The following ZNF804A variants were observed in gnomAD, a reference collection of about 807,000 sequenced individuals.
ZNF804A encodes the protein zinc finger protein 804A.
ZNF804A carries 2 observed loss-of-function variants against 16.5 expected under a neutral mutation model. That is an observed-to-expected ratio of 0.12 (90% CI 0.05 to 0.38). The LOEUF is 0.38. Ranked by LOEUF, ZNF804A falls within the 10% of genes least tolerant of loss-of-function variation. The probability of loss-of-function intolerance (pLI) is 0.99; values close to 1 mark genes in which losing one functional copy is unlikely to be tolerated. For synonymous variants in ZNF804A, 534 were observed against 489.6 expected, an observed-to-expected ratio of 1.09 and a Z score of -1.20; for missense variants, 1,473 against 1,390.7, an observed-to-expected ratio of 1.06 and a Z score of -0.94.
chr2:184,598,975 A>G lies in ZNF804A; in HGVS notation c.16A>G (p.Ile6Val), dbSNP rs1408646250. 25 of 1,613,248 alleles carry G rather than the reference A, an allele frequency of 1.5e-5. No homozygotes were observed. Among genetic ancestry groups the G allele is most frequent in the Non-Finnish European group, 2.1e-5 (25 of 1,179,486 alleles). MECYYIVISSTHLSNG... is the reference protein window; with the variant it reads MECYYVVISSTHLSNG... ...CGGCTGCCCCATGGAGTGTTACTACATTGTCATCAGCTCCACGCATCTCAG... is the reference window on the plus strand; with the variant it reads ...CGGCTGCCCCATGGAGTGTTACTACGTTGTCATCAGCTCCACGCATCTCAG... The change falls in exon 1 of 4, where the codon ATT becomes GTT. Residue 6 changes from isoleucine to valine, a missense_variant. By Grantham distance (29) the Ile-to-Val change is conservative. Transcript: ENST00000302277.
chr2:184,862,910 G>C (rs1375682342), intron 1 of ZNF804A, among the ~76,000 whole-genome samples: 1 of 152,016 alleles, frequency 6.6e-6, no homozygotes, highest in Non-Finnish European at 1.5e-5. Flanking sequence ...TTTCTCTACT[G>C]TTTTTGTTTC....
chr2:184,805,986 G>A (rs2105784640), intron 1 of ZNF804A, among the ~76,000 whole-genome samples: 1 of 151,904 alleles, frequency 6.6e-6, no homozygotes, highest in South Asian at 2.1e-4. Context: ...AGCTGAACTA[G>A]GACTTTGAAA....
chr2:184,860,864 G>T (rs908813411), intron 1 of ZNF804A, among the ~76,000 whole-genome samples: 15 of 152,242 alleles, frequency 9.9e-5, no homozygotes, highest in Admixed American at 3.3e-4. Context: ...GCCAAGCTCA[G>T]TGCTGGCGCA....
chr2:184,909,914 A>C (rs1249374171), intron 2 of ZNF804A, among the ~76,000 whole-genome samples: 3 of 152,102 alleles, frequency 2.0e-5, no homozygotes, highest in Admixed American at 1.3e-4. Context: ...TTTTAAACAA[A>C]AGAGGAATAA....
chr2:184,656,653 T>C (rs1230143644), intron 1 of ZNF804A, among the ~76,000 whole-genome samples: 1 of 152,048 alleles, frequency 6.6e-6, no homozygotes, highest in Non-Finnish European at 1.5e-5. Context: ...TTTTTCTTTA[T>C]CTTTTCTTTA....
At chr2:184,932,358 C>T (rs1268378520) in intron 2 of ZNF804A, among the ~76,000 whole-genome samples, 2 of 152,050 alleles carry the variant, frequency 1.3e-5, no homozygotes, top group Non-Finnish European at 2.9e-5. Context: ...TTGCACATGG[C>T]TAGAAAGGCC....
intron 2 of ZNF804A, among the ~76,000 whole-genome samples, chr2:184,884,095 C>T (rs903692576): frequency 1.3e-5 from 2 of 152,076 alleles, no homozygotes; most frequent in African/African-American, 4.8e-5. Flanking sequence ...ATCTGATAAA[C>T]AACTTCAGCA....
chr2:184,706,560 C>CA (rs1693034292), intron 1 of ZNF804A, among the ~76,000 whole-genome samples: 2 of 152,122 alleles, frequency 1.3e-5, no homozygotes, highest in Non-Finnish European at 1.5e-5. Context: ...GCTCAGATGA[C>CA]TGAGCCTCTG....
chr2:184,773,534 T>C (rs764255865), intron 1 of ZNF804A, among the ~76,000 whole-genome samples: 1 of 151,912 alleles, frequency 6.6e-6, no homozygotes, highest in Non-Finnish European at 1.5e-5. Context: ...CCATTATTCT[T>C]AGTGAAGTAA....
At chr2:184,741,583 A>G (rs955692963) in intron 1 of ZNF804A, among the ~76,000 whole-genome samples, 1 of 152,164 alleles carries the variant, frequency 6.6e-6, no homozygotes, top group African/African-American at 2.4e-5. Flanking sequence ...TTTATCAGGC[A>G]GGGCATTCAG....
At chr2:184,791,549 C>A (rs1694544615) in intron 1 of ZNF804A, among the ~76,000 whole-genome samples, 1 of 151,910 alleles carries the variant, frequency 6.6e-6, no homozygotes, top group African/African-American at 2.4e-5. Flanking sequence ...ATTTTTAGAG[C>A]AGTTTTAGGT....
intron 1 of ZNF804A, among the ~76,000 whole-genome samples, chr2:184,667,143 T>C (rs1559121492): frequency 1.3e-5 from 2 of 152,068 alleles, no homozygotes; most frequent in South Asian, 2.1e-4. Context: ...ATTTGAATTT[T>C]AGTGCTTTAT....
At chr2:184,757,163 A>C (rs925968835) in intron 1 of ZNF804A, among the ~76,000 whole-genome samples, 9 of 152,036 alleles carry the variant, frequency 5.9e-5, no homozygotes, top group South Asian at 2.1e-4. Context: ...CACATCTTTA[A>C]TATTGTAAAA....
At chr2:184,899,717 AT>A (rs981160537) in intron 2 of ZNF804A, among the ~76,000 whole-genome samples, 5 of 151,900 alleles carry the variant, frequency 3.3e-5, no homozygotes, top group Admixed American at 2.0e-4. Flanking sequence ...TATACTTATT[AT>A]TTTTTATTTT....
At chr2:184,657,362 T>C (rs975452849) in intron 1 of ZNF804A, among the ~76,000 whole-genome samples, 21 of 152,180 alleles carry the variant, frequency 1.4e-4, no homozygotes, top group African/African-American at 4.8e-4. Context: ...GCCAAGATTA[T>C]AGACTTGAGC....
intron 1 of ZNF804A, among the ~76,000 whole-genome samples, chr2:184,661,529 C>A (rs1306581221): frequency 1.3e-5 from 2 of 152,148 alleles, no homozygotes; most frequent in Non-Finnish European, 2.9e-5. Context: ...TAGCCATCCA[C>A]GAAGCTGAGT....
chr2:184,796,673 T>A (rs10170664), intron 1 of ZNF804A, among the ~76,000 whole-genome samples: 3 of 151,732 alleles, frequency 2.0e-5, no homozygotes, highest in Admixed American at 1.3e-4. Flanking sequence ...CTGGGTTTGG[T>A]TTTGGTTTCT....
intron 1 of ZNF804A, among the ~76,000 whole-genome samples, chr2:184,667,927 G>GA (rs1330248532): frequency 2.0e-5 from 3 of 151,612 alleles, no homozygotes; most frequent in African/African-American, 7.2e-5. Context: ...TCAAAATAAT[G>GA]AAAAATCAAG....
intron 1 of ZNF804A, among the ~76,000 whole-genome samples, chr2:184,636,168 T>C (rs1473728438): frequency 6.6e-6 from 1 of 152,154 alleles, no homozygotes; most frequent in Non-Finnish European, 1.5e-5. Context: ...ACTTTGCTGA[T>C]AGTAGAAAAG....
Sources: gnomAD v4.1 joint callset for allele counts (sites outside exome capture counted in the v4.1 genomes callset) on GRCh38, gnomAD v4.1.1 for gene constraint, MANE v1.5 for transcripts, NCBI Gene and HGNC (gene_info 2026-07-23, HGNC 2026-07-21) for gene names.